The following NHLRC3 variants were observed in gnomAD, a reference collection of about 807,000 sequenced individuals.
The protein encoded by NHLRC3 is NHL repeat containing 3, also known as NHL repeat-containing protein 3.
NHLRC3 carries 23 observed loss-of-function variants against 32.0 expected under a neutral mutation model. The ratio of observed to expected loss-of-function variants is 0.72; its 90% confidence interval spans 0.52 to 1.02. NHLRC3 has a LOEUF of 1.02. Ranked by LOEUF, NHLRC3 falls within the 50% of genes least tolerant of loss-of-function variation. NHLRC3 has a pLI of 0.00. For synonymous variants in NHLRC3, 159 were observed against 147.9 expected (o/e 1.08, Z -0.55); for missense variants, 407 against 406.8 (o/e 1.00, Z -0.01).
Position 39,039,567 on chromosome 13 carries a change from G to A in NHLRC3, c.241G>A (p.Gly81Arg). The change falls in exon 3 of 7, where the codon GGG becomes AGG. Residue 81 changes from glycine (G) to arginine (R), a missense_variant. Transcript: ENST00000379600. ...GTTATTTTTTGTATACCTTCAGAGA[G>A]GGGATAACATCCCAAAGATATTAGT... Reference protein sequence around the residue: ...LNGLVYIGQRGDNIPKILVFT... With the variant: ...LNGLVYIGQRRDNIPKILVFT... 17 of 1,610,148 alleles carry A rather than the reference G, an allele frequency of 1.1e-5. No individual in the cohort carries two copies. The highest frequency in any genetic ancestry group is 1.4e-5 in the Non-Finnish European group (17 of 1,176,616).
At chr13:39,039,442 A>G (rs41286945) in intron 2 of NHLRC3, 122 bp from the exon 3 acceptor site, 2 of 1,114,430 alleles carry the variant, frequency 1.8e-6, no homozygotes, top group East Asian at 4.9e-5. Context: ...AATGTGAAAG[A>G]TATGTTAGAT....
At chr13:39,039,321 C>T (rs773535586) in intron 2 of NHLRC3, 33 bp downstream of exon 2, 15 of 1,559,762 alleles carry the variant, frequency 9.6e-6, no homozygotes, top group Non-Finnish European at 1.3e-5. Context: ...AAATTATGAA[C>T]ACAAAGGAAG....
chr13:39,047,798 GA>G lies in NHLRC3; in HGVS notation c.917del (p.Asp306ValfsTer8), dbSNP rs761544451. The G allele has an allele frequency of 6.2e-7, 1 of 1,614,152 alleles. No homozygotes were observed. The highest frequency in any genetic ancestry group is 1.1e-5 in the South Asian group (1 of 91,076). On this transcript the variant is annotated frameshift_variant, in exon 7 of 7. Coordinates refer to ENST00000379600, the MANE Select transcript of NHLRC3 (RefSeq NM_001012754.4). LOFTEE classifies it low-confidence loss of function (END_TRUNC). ...CSVISTIQLA[D>X]QVLPHLLEVD... The stretch of plus-strand genomic sequence containing the variant: ...TGTGATCAGCACAATCCAACTAGCA[GA>G]TCAAGTTTTGCCACATCTCCTAGAA...
At position 39,039,218 on chromosome 13, in the gene NHLRC3, C is replaced by G. The variant is rs1871348930; in HGVS notation, c.167C>G (p.Pro56Arg). The change falls in exon 2 of 7, where the codon CCA becomes CGA. Residue 56 changes from proline to arginine, a missense_variant. By Grantham distance (103) the Pro-to-Arg change is moderately radical (BLOSUM62 -2). Transcript: ENST00000379600. ...CTGGATGTGGGTTGGCCTAAGCACC[C>G]AGAATATTTTACCGGAACAACATTT... is the stretch of plus-strand genomic sequence containing the variant. ...YRLDVGWPKHPEYFTGTTFCV... is the reference protein window; with the variant it reads ...YRLDVGWPKHREYFTGTTFCV... 6.2e-7 allele frequency: 1 copy of G among 1,613,948 alleles called. No individual in the cohort carries two copies. The highest frequency in any genetic ancestry group is 1.3e-5 in the African/African-American group (1 of 75,020).
At position 39,048,801 on chromosome 13, in the gene NHLRC3, G is replaced by A. The variant is rs1165029908; in HGVS notation, c.*875G>A. On this transcript the variant is annotated 3_prime_UTR_variant, in exon 7 of 7. Coordinates refer to ENST00000379600, the MANE Select transcript of NHLRC3 (RefSeq NM_001012754.4). ...GCATCTAAGCACTTTAGTAAAAGAG[G>A]TTTTTACAAATAACTAAGGATTGTA... is the stretch of plus-strand genomic sequence containing the variant. The A allele has an allele frequency of 2.6e-5, 4 of 152,286 alleles. No homozygotes were observed. The highest frequency in any genetic ancestry group is 5.9e-5 in the Non-Finnish European group (4 of 67,974). 9.4% of individuals were successfully genotyped at this position (152,286 alleles called of 1,614,324 possible). A position where few individuals can be genotyped will look rare whatever the true frequency, so the allele number is the denominator to read the frequency against.
intron 5 of NHLRC3, 50 bp downstream of exon 5, chr13:39,044,231 G>GTGGT (rs755004913): frequency 4.0e-6 from 1 of 251,066 alleles, no homozygotes; most frequent in East Asian, 6.5e-5. Context: ...GAATATGTTT[G>GTGGT]TGTGTGTGTG....
intron 4 of NHLRC3, among the ~76,000 whole-genome samples, chr13:39,043,488 C>T (rs1171641899): frequency 6.6e-6 from 1 of 152,092 alleles, no homozygotes; most frequent in Non-Finnish European, 1.5e-5. Flanking sequence ...CACATGGCGG[C>T]CCCTTCTTCT....
rs528438745 is a variant in NHLRC3 at position 39,041,920 on chromosome 13, C to T, written c.386-185C>T. 220 of 527,926 alleles carry T rather than the reference C, an allele frequency of 4.2e-4. 2 individuals are homozygous for T. The highest frequency in any genetic ancestry group is 1.8e-3 in the Admixed American group (50 of 27,710). The allele number at this position is 527,926 out of a possible 1,614,324, so 32.7% of individuals were successfully genotyped here. A position where few individuals can be genotyped will look rare whatever the true frequency, so the allele number is the denominator to read the frequency against. ...TTTTGGACTAATGGAGATTTTAATT[C>T]GTGATCAAATTTGGCTGTAATTTAC... On this transcript the variant is annotated intron_variant, in intron 3 of 6. Coordinates refer to ENST00000379600, the MANE Select transcript of NHLRC3 (RefSeq NM_001012754.4).
Position 39,038,693 on chromosome 13 carries a change from G to A in NHLRC3, c.54G>A (p.Leu18=). The A allele has an allele frequency of 1.2e-6, 2 of 1,614,112 alleles. No homozygotes were observed. The highest frequency in any genetic ancestry group is 1.7e-6 in the Non-Finnish European group (2 of 1,179,990). ...GTGCTGGCTTCTTTCTTGCATTTTT[G>A]GTTTTGCATTCGCGTTTTTGTGGCT... ...VAGAGFFLAF[L]VLHSRFCGSP... Residue 18 remains leucine (L), a synonymous_variant, in exon 1 of 7, where the codon TTG becomes TTA. Coordinates refer to ENST00000379600, the MANE Select transcript of NHLRC3 (RefSeq NM_001012754.4).
At chr13:39,043,990 C>T (rs547906598) in intron 4 of NHLRC3, 100 bp from the exon 5 acceptor site, 12 of 813,646 alleles carry the variant, frequency 1.5e-5, no homozygotes, top group Middle Eastern at 2.5e-4. Context: ...AGTGAACCAG[C>T]GGTGTAATTA....
rs1264585732 is a variant in NHLRC3 at position 39,039,604 on chromosome 13, A to T, written c.278A>T (p.Asp93Val). The part of the protein sequence containing the change: ...NIPKILVFTE[D>V]GYFLRAWNYT... ...CCAAAGATATTAGTGTTCACAGAGGATGGATATTTCCTACGAGCCTGGAAT... is the reference window on the plus strand; with the variant it reads ...CCAAAGATATTAGTGTTCACAGAGGTTGGATATTTCCTACGAGCCTGGAAT... The change falls in exon 3 of 7, where the codon GAT becomes GTT. Residue 93 changes from aspartate to valine, a missense_variant. By Grantham distance (152) the Asp-to-Val change is radical. Coordinates refer to ENST00000379600, the MANE Select transcript of NHLRC3 (RefSeq NM_001012754.4). The T allele has an allele frequency of 2.1e-5, 34 of 1,611,860 alleles. No homozygotes were observed. The highest frequency in any genetic ancestry group is 1.2e-4 in the Admixed American group (7 of 60,004).
chr13:39,038,907 T>C (rs1871326001), intron 1 of NHLRC3, 184 bp downstream of exon 1: 1 of 650,460 alleles, frequency 1.5e-6, no homozygotes. Context: ...TACATCGCCA[T>C]TTTCCTCTTT....
chr13:39,039,107 T>G, intron 1 of NHLRC3, 29 bp from the exon 2 acceptor site: 1 of 916,356 alleles, frequency 1.1e-6, no homozygotes, highest in Non-Finnish European at 1.6e-6. Flanking sequence ...GACGGTAAAC[T>G]AAATCTGAAT....
At chr13:39,039,043 C>T in intron 1 of NHLRC3, 93 bp from the exon 2 acceptor site, 1 of 1,004,874 alleles carries the variant, frequency 1.0e-6, no homozygotes, top group Admixed American at 2.2e-5. Context: ...TCAAGGCATG[C>T]TTAAAAATAA....
chr13:39,046,190 C>T (rs1434463335), intron 5 of NHLRC3, among the ~76,000 whole-genome samples: 2 of 152,046 alleles, frequency 1.3e-5, no homozygotes, highest in African/African-American at 4.8e-5. Flanking sequence ...TGGTGGCGGG[C>T]GCCTGTAGTC....
chr13:39,044,023 C>A, intron 4 of NHLRC3, 67 bp from the exon 5 acceptor site: 1 of 1,129,146 alleles, frequency 8.9e-7, no homozygotes, highest in Non-Finnish European at 1.3e-6. Context: ...TAACCTGTTT[C>A]ATAAAATATG....
chr13:39,048,880 A>G lies in NHLRC3; in HGVS notation c.*954A>G, dbSNP rs902397027. 3.3e-5 allele frequency: 5 copies of G among 152,444 alleles called. No individual in the cohort carries two copies. The highest frequency in any genetic ancestry group is 5.9e-5 in the Non-Finnish European group (4 of 68,012). 9.4% of individuals were successfully genotyped at this position (152,444 alleles called of 1,614,324 possible). A position where few individuals can be genotyped will look rare whatever the true frequency, so the allele number is the denominator to read the frequency against. ...CTTTCTTTTGTTTTACATGAACTCA[A>G]CTTATTCCTAACATTTGTCTACCTC... On this transcript the variant is annotated 3_prime_UTR_variant, in exon 7 of 7. Transcript: ENST00000379600.
At position 39,039,289 on chromosome 13, in the gene NHLRC3, G is replaced by C; in HGVS notation, c.237+1G>C. The C allele has an allele frequency of 6.2e-7, 1 of 1,609,504 alleles. No individual in the cohort carries two copies. The stretch of plus-strand genomic sequence containing the variant: ...CAATGGATTGGTTTACATAGGTCAA[G>C]TAAGTAAATAGAGATTTAAAAAAAT... On this transcript the variant is annotated splice_donor_variant, in intron 2 of 6. Transcript: ENST00000379600. LOFTEE classifies it high-confidence loss of function.
chr13:39,046,590 C>T (rs559871497), intron 5 of NHLRC3, among the ~76,000 whole-genome samples: 1 of 152,314 alleles, frequency 6.6e-6, no homozygotes, highest in South Asian at 2.1e-4. Context: ...ACCTCACATC[C>T]TGCTATATTG....
Sources: allele counts gnomAD v4.1 joint callset (sites outside exome capture counted in the v4.1 genomes callset), GRCh38; gene constraint gnomAD v4.1.1; transcripts MANE v1.5; gene names NCBI Gene and HGNC (gene_info 2026-07-23, HGNC 2026-07-21).